Variants in LMBRD1 observed in about 807,000 individuals in gnomAD.
LMBRD1 encodes LMBR1 domain containing 1, also known as lysosomal cobalamin transport escort protein LMBD1.
Under a neutral mutation model 74.8 loss-of-function variants are expected in LMBRD1, and 64 were observed. The ratio of observed to expected loss-of-function variants is 0.86; its 90% confidence interval spans 0.70 to 1.05. The LOEUF (loss-of-function observed/expected upper bound fraction) is 1.05. Among genes scored for constraint, LMBRD1 ranks in the 50% least tolerant of loss-of-function variants. The pLI, the probability that LMBRD1 is intolerant of heterozygous loss-of-function variation, is 0.00. For synonymous variants in LMBRD1, 204 were observed against 216.3 expected (o/e 0.94, Z 0.50); for missense variants, 652 against 645.9 (o/e 1.01, Z -0.10).
At chr6:69,713,579 C>G in intron 9 of LMBRD1, 66 bp downstream of exon 9, 1 of 1,518,252 alleles carries the variant, frequency 6.6e-7, no homozygotes, top group East Asian at 2.3e-5. Context: ...AGAGCTCAAT[C>G]TCTCCAAGAG....
chr6:69,749,329 AT>A lies in LMBRD1; in HGVS notation c.473+11del. 6 of 1,589,776 alleles carry A rather than the reference AT, an allele frequency of 3.8e-6. No homozygotes were observed. In the South Asian group the frequency reaches 4.6e-5, roughly 12 times the overall value. ...CCATTTCATGGTTTAAAAAAAAAAA[AT>A]CAAGACTTACCCAACTAAAAGAAGC... is the stretch of plus-strand genomic sequence containing the variant. On this transcript the variant is annotated intron_variant, in intron 5 of 15. Coordinates refer to ENST00000649934, the MANE Select transcript of LMBRD1 (RefSeq NM_018368.4).
chr6:69,762,357 T>G (rs1402207217), intron 3 of LMBRD1, among the ~76,000 whole-genome samples: 1 of 151,772 alleles, frequency 6.6e-6, no homozygotes, highest in Non-Finnish European at 1.5e-5. Flanking sequence ...ATGCCTGTAA[T>G]CACAGCCCTT....
At chr6:69,720,226 A>T (rs1172354115) in intron 7 of LMBRD1, among the ~76,000 whole-genome samples, 1 of 152,218 alleles carries the variant, frequency 6.6e-6, no homozygotes, top group African/African-American at 2.4e-5. Flanking sequence ...AATTATCCTG[A>T]AATCAACTAG....
At chr6:69,708,654 A>AC (rs1766314696) in intron 9 of LMBRD1, among the ~76,000 whole-genome samples, 1 of 149,716 alleles carries the variant, frequency 6.7e-6, no homozygotes, top group Non-Finnish European at 1.5e-5. Context: ...CATGGGAACA[A>AC]AAAAAAAAAT....
intron 9 of LMBRD1, chr6:69,705,656 A>G (rs184505117): frequency 1.1e-6 from 1 of 879,376 alleles, no homozygotes; most frequent in East Asian, 2.4e-5. Context: ...CATCTTCATC[A>G]TTATCATCAT....
intron 3 of LMBRD1, among the ~76,000 whole-genome samples, chr6:69,757,972 T>TC (rs1765301437): frequency 6.6e-6 from 1 of 152,070 alleles, no homozygotes; most frequent in Non-Finnish European, 1.5e-5. Flanking sequence ...AACAAGTTGG[T>TC]TTTTTAAAAC....
At chr6:69,754,135 G>A (rs971197565) in intron 3 of LMBRD1, among the ~76,000 whole-genome samples, 2 of 136,496 alleles carry the variant, frequency 1.5e-5, no homozygotes, top group African/African-American at 5.1e-5. Flanking sequence ...GTCAGAAGGA[G>A]AGAGGAAGGG....
At chr6:69,758,487 G>A (rs1329055671) in intron 3 of LMBRD1, among the ~76,000 whole-genome samples, 2 of 152,058 alleles carry the variant, frequency 1.3e-5, no homozygotes, top group African/African-American at 4.8e-5. Flanking sequence ...ACTTGAAACT[G>A]ATACATGATG....
At chr6:69,749,864 A>G (rs1360448287) in intron 4 of LMBRD1, among the ~76,000 whole-genome samples, 1 of 145,978 alleles carries the variant, frequency 6.9e-6, no homozygotes, top group African/African-American at 2.5e-5. Flanking sequence ...TCATATATAC[A>G]TATATAAGTA....
At chr6:69,711,395 C>T (rs1379642905) in intron 9 of LMBRD1, among the ~76,000 whole-genome samples, 2 of 152,060 alleles carry the variant, frequency 1.3e-5, no homozygotes, top group Non-Finnish European at 2.9e-5. Context: ...TTGGGCAAAA[C>T]CAGTCTGTAC....
intron 1 of LMBRD1, among the ~76,000 whole-genome samples, chr6:69,796,249 A>G (rs1766224734): frequency 6.6e-6 from 1 of 152,154 alleles, no homozygotes; most frequent in South Asian, 2.1e-4. Flanking sequence ...TCAAAAAAAG[A>G]TTAGAAGAGA....
intron 14 of LMBRD1, among the ~76,000 whole-genome samples, chr6:69,693,256 T>C (rs907414858): frequency 3.9e-5 from 6 of 152,130 alleles, no homozygotes; most frequent in African/African-American, 1.4e-4. Context: ...TGCTAAATTA[T>C]TCTATTCTTT....
intron 7 of LMBRD1, among the ~76,000 whole-genome samples, chr6:69,733,301 T>C (rs1403540001): frequency 1.3e-5 from 2 of 152,180 alleles, no homozygotes; most frequent in Non-Finnish European, 2.9e-5. Context: ...TTCTATACCC[T>C]CTTTCAAGGT....
intron 9 of LMBRD1, among the ~76,000 whole-genome samples, chr6:69,708,384 T>C (rs1766308101): frequency 6.6e-6 from 1 of 152,216 alleles, no homozygotes; most frequent in Non-Finnish European, 1.5e-5. Flanking sequence ...TGCAATTTTC[T>C]GAGCTGTTTA....
Position 69,696,029 on chromosome 6 carries a change from A to T in LMBRD1, c.1417+1534T>A, listed in dbSNP as rs372803866. Among the ~76,000 whole-genome samples the T allele has an allele frequency of 2.6e-5, 4 of 152,136 alleles. No individual in the cohort carries two copies. The East Asian group carries it at 7.7e-4, about 29-fold the overall frequency. On this transcript the variant is annotated intron_variant, in intron 14 of 15. Coordinates refer to ENST00000649934, the MANE Select transcript of LMBRD1 (RefSeq NM_018368.4). Reference sequence around the variant, plus strand: ...CAACTAGTTTTTGTATTTTTAGTAGAGACAAAGTTTCGCCATGTTGGCCAG... The same window carrying T: ...CAACTAGTTTTTGTATTTTTAGTAGTGACAAAGTTTCGCCATGTTGGCCAG...
intron 12 of LMBRD1, among the ~76,000 whole-genome samples, chr6:69,700,535 A>C (rs758371254): frequency 6.6e-6 from 1 of 151,758 alleles, no homozygotes; most frequent in Non-Finnish European, 1.5e-5. Context: ...AACAACTAAA[A>C]ATATCTCTAG....
intron 2 of LMBRD1, among the ~76,000 whole-genome samples, chr6:69,785,509 T>C (rs536114579): frequency 6.6e-6 from 1 of 152,338 alleles, no homozygotes; most frequent in South Asian, 2.1e-4. Context: ...CACTTGCCCA[T>C]GCACATGCCC....
intron 4 of LMBRD1, among the ~76,000 whole-genome samples, chr6:69,751,190 A>G (rs769301946): frequency 3.3e-5 from 5 of 152,146 alleles, no homozygotes; most frequent in Non-Finnish European, 5.9e-5. Flanking sequence ...CGGTTATATA[A>G]TATCAATATA....
chr6:69,756,340 G>C (rs775627250), intron 3 of LMBRD1, among the ~76,000 whole-genome samples: 62 of 144,608 alleles, frequency 4.3e-4, no homozygotes, highest in Middle Eastern at 3.5e-3. Context: ...TGCAGCCTGG[G>C]CAACAGAACA....
Sources: allele counts gnomAD v4.1 joint callset (sites outside exome capture counted in the v4.1 genomes callset), GRCh38; gene constraint gnomAD v4.1.1; transcripts MANE v1.5; gene names NCBI Gene and HGNC (gene_info 2026-07-23, HGNC 2026-07-21).